Variants in FYN observed in about 807,000 individuals in gnomAD.
FYN encodes the protein FYN proto-oncogene, Src family tyrosine kinase, also known as tyrosine-protein kinase Fyn.
In FYN, 10 loss-of-function variants were observed where a neutral mutation model predicts 70.2. That is an observed-to-expected ratio of 0.14 (90% CI 0.09 to 0.24). The LOEUF is 0.24. FYN is among the 10% of genes least tolerant of loss of function. The pLI is 1.00. For synonymous variants in FYN, 236 were observed against 248.6 expected (o/e 0.95, Z 0.48); for missense variants, 319 against 673.1 (o/e 0.47, Z 5.82).
At chr6:111,684,272 G>T (rs1161424399) in intron 12 of FYN, among the ~76,000 whole-genome samples, 17 of 152,148 alleles carry the variant, frequency 1.1e-4, no homozygotes, top group Admixed American at 1.1e-3. Context: ...AGATAAGGTT[G>T]ATTAAGTAGG....
chr6:111,661,624 G>T lies in FYN; in HGVS notation c.*115C>A. ...AAGTTCGTCAGCTTCAGAGTCACAT[G>T]CAATCTGATCCTGGGCGGTTCCGCT... is the stretch of plus-strand genomic sequence containing the variant. On this transcript the variant is annotated 3_prime_UTR_variant, in exon 14 of 14. Coordinates refer to ENST00000354650, the MANE Select transcript of FYN (RefSeq NM_002037.5). This position sits in a 1 kb window ranked among gnomAD's most constrained non-coding sequence, Gnocchi z 4.0. 1.0e-6 allele frequency: 1 copy of T among 952,396 alleles called. No individual in the cohort carries two copies. The highest frequency in any genetic ancestry group is 1.6e-6 in the Non-Finnish European group (1 of 625,098). The allele number at this position is 952,396 out of a possible 1,614,324, so 59.0% of individuals were successfully genotyped here. A position where few individuals can be genotyped will look rare whatever the true frequency, so the allele number is the denominator to read the frequency against.
intron 2 of FYN, among the ~76,000 whole-genome samples, chr6:111,811,907 G>A (rs867083474): frequency 9.2e-5 from 14 of 152,214 alleles, no homozygotes; most frequent in Middle Eastern, 3.4e-3. Flanking sequence ...CTGGAAGAAC[G>A]GGACTCTCCA....
Position 111,720,067 on chromosome 6 carries a change from C to A in FYN, c.-11-5G>T. 1.9e-6 allele frequency: 3 copies of A among 1,565,988 alleles called. No homozygotes were observed. Among genetic ancestry groups the A allele is most frequent in the Admixed American group, 1.8e-5 (1 of 54,338 alleles). On this transcript the variant is annotated splice_polypyrimidine_tract_variant and splice_region_variant and intron_variant, in intron 3 of 13. Transcript: ENST00000354650. ...CACAGCCCATTATCTAAATTCCTGC[C>A]AAAGACAAAAAAGGGGGCACGTAAG...
intron 2 of FYN, among the ~76,000 whole-genome samples, chr6:111,845,126 G>T (rs111726881): frequency 8.5e-5 from 13 of 152,370 alleles, no homozygotes; most frequent in African/African-American, 3.1e-4. Context: ...TCCTGTGGCT[G>T]CAGGATTCAC....
At chr6:111,763,311 GCTAT>G (rs1803084136) in intron 3 of FYN, among the ~76,000 whole-genome samples, 1 of 152,190 alleles carries the variant, frequency 6.6e-6, no homozygotes, top group Non-Finnish European at 1.5e-5. Flanking sequence ...ACCCCCTGAA[GCTAT>G]GTCATGGGTC....
At chr6:111,811,227 A>T (rs1263446399) in intron 2 of FYN, among the ~76,000 whole-genome samples, 1 of 152,232 alleles carries the variant, frequency 6.6e-6, no homozygotes, top group Non-Finnish European at 1.5e-5. Flanking sequence ...GAATTTCTTT[A>T]GATTTACTAA....
intron 3 of FYN, among the ~76,000 whole-genome samples, chr6:111,777,410 A>C (rs1358050327): frequency 6.6e-6 from 1 of 152,168 alleles, no homozygotes; most frequent in African/African-American, 2.4e-5. Flanking sequence ...CACTTTAAAA[A>C]TTACTTATAA....
Position 111,853,415 on chromosome 6 carries a change from T to G in FYN, c.-122-6786A>C, listed in dbSNP as rs560565271. On this transcript the variant is annotated intron_variant, in intron 1 of 13. Transcript: ENST00000354650. Reference sequence around the variant, plus strand: ...AAATCATCACATCAAGAAAATACATTGTGCAACTCTCATGTCCCCTTCTGA... The same window carrying G: ...AAATCATCACATCAAGAAAATACATGGTGCAACTCTCATGTCCCCTTCTGA... Among the ~76,000 whole-genome samples, 9 of 152,078 alleles carry G rather than the reference T, an allele frequency of 5.9e-5. No individual in the cohort carries two copies. In the South Asian group the frequency reaches 1.9e-3, roughly 32 times the overall value.
intron 12 of FYN, among the ~76,000 whole-genome samples, chr6:111,689,826 G>C (rs1799225243): frequency 6.6e-6 from 1 of 152,072 alleles, no homozygotes; most frequent in African/African-American, 2.4e-5. Flanking sequence ...GAGGTATTCT[G>C]TATCTTTATC....
intron 3 of FYN, among the ~76,000 whole-genome samples, chr6:111,765,175 CAG>C (rs1455065787): frequency 1.3e-5 from 2 of 152,122 alleles, no homozygotes; most frequent in Non-Finnish European, 2.9e-5. Context: ...CACACACTCT[CAG>C]AGGATCAGAA....
chr6:111,729,458 G>A (rs1203953077), intron 3 of FYN, among the ~76,000 whole-genome samples: 1 of 147,506 alleles, frequency 6.8e-6, no homozygotes, highest in African/African-American at 2.5e-5. Context: ...CTGGGTGACA[G>A]AGTGAGACTG....
chr6:111,704,744 G>A (rs968174206), intron 6 of FYN, among the ~76,000 whole-genome samples: 1 of 150,604 alleles, frequency 6.6e-6, no homozygotes, highest in Admixed American at 6.6e-5. Context: ...ACAGAGCAAA[G>A]CCGTGTCTCA....
chr6:111,865,938 A>G (rs1774091558), intron 1 of FYN, among the ~76,000 whole-genome samples: 1 of 152,220 alleles, frequency 6.6e-6, no homozygotes, highest in South Asian at 2.1e-4. Flanking sequence ...TTTCAATCAT[A>G]CCATGTAAGT....
intron 3 of FYN, among the ~76,000 whole-genome samples, chr6:111,747,561 C>T (rs141681799): frequency 5.3e-5 from 8 of 152,334 alleles, no homozygotes; most frequent in Admixed American, 5.2e-4. Context: ...GGGTCAGCTC[C>T]TCCCCCTGAC....
chr6:111,675,225 T>G (rs1434014224), intron 12 of FYN, among the ~76,000 whole-genome samples: 1 of 152,202 alleles, frequency 6.6e-6, no homozygotes, highest in African/African-American at 2.4e-5. Flanking sequence ...GGATAGTTTT[T>G]TCTTCCATAC....
chr6:111,714,942 C>T (rs1439907094), intron 4 of FYN, among the ~76,000 whole-genome samples: 3 of 152,062 alleles, frequency 2.0e-5, no homozygotes, highest in African/African-American at 7.2e-5. Context: ...TAGAGAAGAC[C>T]GTTTCTGTAA....
At chr6:111,740,036 C>T (rs895497492) in intron 3 of FYN, among the ~76,000 whole-genome samples, 2 of 148,658 alleles carry the variant, frequency 1.3e-5, no homozygotes, top group African/African-American at 5.0e-5. Flanking sequence ...GTTGGCCAGG[C>T]TGGTCTTGAA....
chr6:111,856,279 T>A (rs2114506081), intron 1 of FYN, among the ~76,000 whole-genome samples: 1 of 152,328 alleles, frequency 6.6e-6, no homozygotes, highest in South Asian at 2.1e-4. Context: ...ATCTAAGAGC[T>A]ATTTTCTGAA....
At chr6:111,707,457 C>T (rs923548445) in intron 6 of FYN, among the ~76,000 whole-genome samples, 14 of 152,182 alleles carry the variant, frequency 9.2e-5, no homozygotes, top group African/African-American at 3.4e-4. Flanking sequence ...GTCACTTTTA[C>T]CGGGCATAGA....
Sources: allele counts gnomAD v4.1 joint callset (sites outside exome capture counted in the v4.1 genomes callset), GRCh38; gene constraint gnomAD v4.1.1; non-coding constraint Gnocchi (gnomAD v3.1); transcripts MANE v1.5; gene names NCBI Gene and HGNC (gene_info 2026-07-23, HGNC 2026-07-21).